The following RNF17 variants were observed in gnomAD, a reference collection of about 807,000 sequenced individuals.
RNF17 encodes the protein ring finger protein 17, also known as spermatogenesis associated 23.
RNF17 carries 31 observed loss-of-function variants against 200.5 expected under a neutral mutation model. The ratio of observed to expected loss-of-function variants is 0.15; its 90% confidence interval spans 0.12 to 0.21. The LOEUF is 0.21. Ranked by LOEUF, RNF17 falls within the 10% of genes least tolerant of loss-of-function variation. The pLI, the probability that RNF17 is intolerant of heterozygous loss-of-function variation, is 1.00. For synonymous variants in RNF17, 606 were observed against 637.8 expected (o/e 0.95, Z 0.75); for missense variants, 1,628 against 1,905.1 (o/e 0.85, Z 2.71).
intron 25 of RNF17, 100 bp from the exon 26 acceptor site, chr13:24,858,901 G>A (rs1892803871): frequency 5.7e-6 from 4 of 704,258 alleles, no homozygotes; most frequent in Non-Finnish European, 9.2e-6. Flanking sequence ...CTGTTTGGGG[G>A]ACTGGTTTTT....
At chr13:24,885,634 CGAG>C in the RNF17 span, 2 of 1,612,790 alleles carry the variant, frequency 1.2e-6, no homozygotes, top group South Asian at 1.1e-5. Context: ...GCCTAAATCA[CGAG>C]GAGGTGCAGA....
chr13:24,827,680 C>G (rs1038751893), intron 16 of RNF17, among the ~76,000 whole-genome samples: 1 of 106,216 alleles, frequency 9.4e-6, no homozygotes, highest in Non-Finnish European at 1.7e-5. Context: ...CCAGCCTGGG[C>G]GACAGAGCGA....
At position 24,799,111 on chromosome 13, in the gene RNF17, A is replaced by G. The variant is rs79137441; in HGVS notation, c.1400-284A>G. On this transcript the variant is annotated intron_variant, in intron 11 of 35. Transcript: ENST00000255324. ...TTCTTGAGCTTCTTGATGGCAAGAC[A>G]GTCTCATTCATCTTTGTTCTTATTG... 5.2e-4 allele frequency among the ~76,000 whole-genome samples: 79 copies of G among 152,330 alleles called. No individual in the cohort carries two copies. In the East Asian group the frequency reaches 0.01, roughly 20 times the overall value.
In RNF17 at chr13:24,777,722, A is replaced by G. The variant is rs747689972; in HGVS notation, c.318-573A>G. 7.9e-5 allele frequency among the ~76,000 whole-genome samples: 12 copies of G among 152,342 alleles called. No individual in the cohort carries two copies. In the South Asian group the frequency reaches 2.1e-3, roughly 26 times the overall value. On this transcript the variant is annotated intron_variant, in intron 3 of 35. Coordinates refer to ENST00000255324, the MANE Select transcript of RNF17 (RefSeq NM_031277.3). Reference sequence around the variant, plus strand: ...ATTATCAACATCTGTACCAAAAAATACCACGTAAGGACCAGTAATTAAGAA... The same window carrying G: ...ATTATCAACATCTGTACCAAAAAATGCCACGTAAGGACCAGTAATTAAGAA...
rs146906382 is a variant in RNF17, at chr13:24,852,532, G to A, written c.3320+961G>A. Among the ~76,000 whole-genome samples the A allele has an allele frequency of 8.0e-4, 122 of 152,204 alleles. 2 individuals carry two copies. The highest frequency in any genetic ancestry group is 3.4e-3 in the Middle Eastern group (1 of 294). The stretch of plus-strand genomic sequence containing the variant: ...TTGTACCATATATGGCCAGATCTCC[G>A]TAGATGTGTTTGCCTTAACTTATAT... On this transcript the variant is annotated intron_variant, in intron 24 of 35. Coordinates refer to ENST00000255324, the MANE Select transcript of RNF17 (RefSeq NM_031277.3).
intron 5 of RNF17, among the ~76,000 whole-genome samples, chr13:24,781,456 A>G (rs1009197405): frequency 1.3e-5 from 2 of 150,866 alleles, no homozygotes; most frequent in Non-Finnish European, 3.0e-5. Context: ...ACATAATGAG[A>G]CTTTGTTCCT....
chr13:24,871,958 CTTTTTT>C (rs60797153), intron 32 of RNF17, among the ~76,000 whole-genome samples: 4 of 71,766 alleles, frequency 5.6e-5, no homozygotes, highest in South Asian at 7.8e-4. Flanking sequence ...TTATTGATGA[CTTTTTT>C]TTTTTTTTTT....
intron 18 of RNF17, among the ~76,000 whole-genome samples, chr13:24,839,833 A>C (rs1890419631): frequency 6.6e-6 from 1 of 152,248 alleles, no homozygotes; most frequent in Non-Finnish European, 1.5e-5. Context: ...CAAGGATTTC[A>C]TGACCAAGAA....
intron 4 of RNF17, among the ~76,000 whole-genome samples, 163 bp downstream of exon 4, chr13:24,778,569 GTTCTC>G (rs1287681434): frequency 2.6e-5 from 4 of 152,210 alleles, no homozygotes; most frequent in African/African-American, 9.6e-5. Context: ...TGCTTAGACA[GTTCTC>G]TTTTCTTCCA....
chr13:24,855,629 TA>T (rs1043754821), intron 25 of RNF17, among the ~76,000 whole-genome samples: 2,129 of 142,158 alleles, frequency 0.015, 40 homozygotes, highest in African/African-American at 0.04. Flanking sequence ...GAGACTCCAT[TA>T]AAAAAAAAAA....
upstream of RNF17, chr13:24,764,129 C>A: frequency 7.0e-7 from 1 of 1,424,372 alleles, no homozygotes; most frequent in Non-Finnish European, 9.6e-7. Flanking sequence ...AGGGGCTGGC[C>A]TCCAATGATT....
chr13:24,841,727 G>C (rs1890657260), intron 18 of RNF17, among the ~76,000 whole-genome samples: 1 of 152,158 alleles, frequency 6.6e-6, no homozygotes, highest in South Asian at 2.1e-4. Flanking sequence ...GGAAGGCCAA[G>C]GTGGGCAGAT....
intron 18 of RNF17, among the ~76,000 whole-genome samples, chr13:24,834,197 A>G (rs1889716769): frequency 6.6e-6 from 1 of 152,036 alleles, no homozygotes; most frequent in Admixed American, 6.6e-5. Flanking sequence ...ACCTGAGGTC[A>G]GGAGTTTGAG....
chr13:24,782,348 T>TG (rs1882495756), intron 6 of RNF17, among the ~76,000 whole-genome samples: 1 of 151,392 alleles, frequency 6.6e-6, no homozygotes, highest in African/African-American at 2.4e-5. Flanking sequence ...GCTAATTTTG[T>TG]GTTTTTTTTT....
intron 1 of RNF17, among the ~76,000 whole-genome samples, chr13:24,766,388 T>A (rs1303918184): frequency 6.6e-6 from 1 of 152,258 alleles, no homozygotes. Flanking sequence ...CAAATGTTAT[T>A]TATTATAAAC....
At chr13:24,770,621 A>T (rs189867010) in intron 2 of RNF17, among the ~76,000 whole-genome samples, 1 of 152,192 alleles carries the variant, frequency 6.6e-6, no homozygotes, top group Non-Finnish European at 1.5e-5. Context: ...TAACCTAACT[A>T]AACTAATAAT....
chr13:24,871,261 A>G (rs960630171), intron 32 of RNF17, among the ~76,000 whole-genome samples: 2 of 152,208 alleles, frequency 1.3e-5, no homozygotes, highest in Non-Finnish European at 2.9e-5. Context: ...TATGTAATGC[A>G]TAGAGATGTA....
chr13:24,807,398 A>G (rs1178270685), intron 15 of RNF17, among the ~76,000 whole-genome samples: 2 of 152,070 alleles, frequency 1.3e-5, no homozygotes, highest in African/African-American at 4.8e-5. Flanking sequence ...TCTGATGGCC[A>G]GTGATGGTGA....
intron 30 of RNF17, among the ~76,000 whole-genome samples, chr13:24,867,000 T>C (rs1237418933): frequency 1.3e-5 from 2 of 152,242 alleles, no homozygotes; most frequent in African/African-American, 2.4e-5. Flanking sequence ...AGACTTGATA[T>C]GCTTGTCCTG....
Sources: allele counts gnomAD v4.1 joint callset (sites outside exome capture counted in the v4.1 genomes callset), GRCh38; gene constraint gnomAD v4.1.1; transcripts MANE v1.5; gene names NCBI Gene and HGNC (gene_info 2026-07-23, HGNC 2026-07-21).